COPB2: variants seen among roughly 807,000 people sequenced by gnomAD.
COPB2 encodes the protein coat protein complex I subunit beta 2.
COPB2 carries 16 observed loss-of-function variants against 120.8 expected under a neutral mutation model. That is an observed-to-expected ratio of 0.13 (90% CI 0.09 to 0.20). The LOEUF (loss-of-function observed/expected upper bound fraction) is 0.20, where lower values mean the gene tolerates loss of function less well. Among genes scored for constraint, COPB2 ranks in the 10% least tolerant of loss-of-function variants. The pLI is 1.00. For missense variants in COPB2, 794 were observed against 1,076.5 expected (o/e 0.74, Z 3.67); for synonymous variants, 332 against 366.3 (o/e 0.91, Z 1.07).
At chr3:139,369,586 T>G (rs751167120) in intron 10 of COPB2, 42 bp from the exon 11 acceptor site, 1 of 1,153,820 alleles carries the variant, frequency 8.7e-7, no homozygotes, top group East Asian at 2.4e-5. Flanking sequence ...TGTTATATAC[T>G]AAATCATAGT....
intron 6 of COPB2, among the ~76,000 whole-genome samples, chr3:139,375,191 A>G (rs760244818): frequency 1.3e-5 from 2 of 152,252 alleles, no homozygotes; most frequent in African/African-American, 2.4e-5. Context: ...AAGTCTATCA[A>G]TGAAGATTAT....
At position 139,366,637 on chromosome 3, in the gene COPB2, C is replaced by T; in HGVS notation, c.1815G>A (p.Met605Ile). The T allele has an allele frequency of 6.2e-7, 1 of 1,614,070 alleles. No homozygotes were observed. ...GAATGGTAGGAAGGACCTTATCAGC[C>T]ATGCTAAAGTCCCTCCGCATGACAG... ...QTAVMRRDFS[M>I]ADKVLPTIPK... Residue 605 changes from methionine (M) to isoleucine (I), a missense_variant, in exon 15 of 22, where the codon ATG (methionine) becomes ATA (isoleucine). Physicochemically the swap from Met to Ile is conservative, Grantham distance 10. Transcript: ENST00000333188.
rs1488022814 is a variant in COPB2, at chr3:139,359,283, T to G, written c.2290A>C (p.Ser764Arg). 2.5e-6 allele frequency: 4 copies of G among 1,614,052 alleles called. No homozygotes were observed. Among genetic ancestry groups the G allele is most frequent in the African/African-American group, 2.7e-5 (2 of 74,918 alleles). ...AAAAGTCTGTACCTTGAAACCTGAC[T>G]GGGTAAGTAAGTTCGGGCCAAGAAG... ...AAFLARTYLP[S>R]QVSRVVKLWR... Residue 764 changes from serine (S) to arginine (R), a missense_variant, in exon 18 of 22, where the codon AGT (serine) becomes CGT (arginine). Ser to Arg is a moderately radical substitution (Grantham distance 110). Coordinates refer to ENST00000333188, the MANE Select transcript of COPB2 (RefSeq NM_004766.3).
intron 10 of COPB2, among the ~76,000 whole-genome samples, chr3:139,370,916 A>T (rs1458304568): frequency 6.6e-6 from 1 of 152,234 alleles, no homozygotes; most frequent in Non-Finnish European, 1.5e-5. Context: ...GAACAATTCC[A>T]TACCTCTCAA....
intron 15 of COPB2, among the ~76,000 whole-genome samples, chr3:139,363,661 C>T (rs1468133583): frequency 1.3e-5 from 2 of 152,116 alleles, no homozygotes; most frequent in African/African-American, 4.8e-5. Flanking sequence ...GATAGTTTAC[C>T]TCTTCACCAG....
intron 1 of COPB2, among the ~76,000 whole-genome samples, chr3:139,388,557 C>A (rs936110797): frequency 6.6e-6 from 1 of 151,054 alleles, no homozygotes; most frequent in Non-Finnish European, 1.5e-5. Flanking sequence ...AATTTTTTAA[C>A]TTAAGATGAG....
At chr3:139,372,761 G>A (rs1382307077) in intron 9 of COPB2, among the ~76,000 whole-genome samples, 1 of 152,226 alleles carries the variant, frequency 6.6e-6, no homozygotes, top group Non-Finnish European at 1.5e-5. Flanking sequence ...CTGACAGTTC[G>A]AATTACAAAT....
At chr3:139,374,342 C>CT (rs1333905047) in intron 7 of COPB2, 147 bp downstream of exon 7, 1 of 613,772 alleles carries the variant, frequency 1.6e-6, no homozygotes, top group Non-Finnish European at 2.9e-6. Flanking sequence ...AATAATGCCC[C>CT]TTTACTCTTT....
chr3:139,366,898 G>T, intron 14 of COPB2, 117 bp downstream of exon 14: 1 of 1,475,518 alleles, frequency 6.8e-7, no homozygotes. Context: ...GTTAACAATA[G>T]GCAACCTACT....
In COPB2 at chr3:139,357,765, A is replaced by G. The variant is rs1257476313; in HGVS notation, c.*98T>C. 3.6e-6 allele frequency: 2 copies of G among 559,684 alleles called. No homozygotes were observed. The highest frequency in any genetic ancestry group is 3.9e-5 in the African/African-American group (2 of 51,270). 34.7% of individuals were successfully genotyped at this position (559,684 alleles called of 1,614,324 possible). ...CACAGCATTTACATATAAAAATCTA[A>G]GAAGTTTCTCATAGTCCAAAGCACT... On this transcript the variant is annotated 3_prime_UTR_variant, in exon 22 of 22. Coordinates refer to ENST00000333188, the MANE Select transcript of COPB2 (RefSeq NM_004766.3).
intron 13 of COPB2, 61 bp downstream of exon 13, chr3:139,368,084 T>C: frequency 6.5e-7 from 1 of 1,547,728 alleles, no homozygotes; most frequent in East Asian, 2.3e-5. Context: ...TAAAGTCTGT[T>C]GTAAGAATAT....
intron 4 of COPB2, 79 bp downstream of exon 4, chr3:139,378,968 G>A: frequency 7.1e-7 from 1 of 1,413,266 alleles, no homozygotes; most frequent in Non-Finnish European, 9.5e-7. Flanking sequence ...TGTAACAGCA[G>A]TTAAAGCATA....
chr3:139,362,447 C>G lies in COPB2; in HGVS notation c.1955G>C (p.Gly652Ala). The G allele has an allele frequency of 1.2e-6, 2 of 1,612,238 alleles. No homozygotes were observed. Among genetic ancestry groups the G allele is most frequent in the African/African-American group, 1.3e-5 (1 of 74,988 alleles). ...TAACTGGTATGCAATTTTTAACTCTCCAAGCTGAAGAGCAAGCTCAAAACG... is the reference window on the plus strand; with the variant it reads ...TAACTGGTATGCAATTTTTAACTCTGCAAGCTGAAGAGCAAGCTCAAAACG... ...EHRFELALQL[G>A]ELKIAYQLAV... Residue 652 changes from glycine to alanine, a missense_variant, in exon 16 of 22, where the codon GGA (glycine) becomes GCA (alanine). By Grantham distance (60) the Gly-to-Ala change is moderately conservative. Coordinates refer to ENST00000333188, the MANE Select transcript of COPB2 (RefSeq NM_004766.3).
At chr3:139,359,386 C>A in intron 17 of COPB2, 24 bp from the exon 18 acceptor site, 1 of 1,602,662 alleles carries the variant, frequency 6.2e-7, no homozygotes, top group Non-Finnish European at 8.5e-7. Flanking sequence ...AGGAGAGGTA[C>A]TGTTACCAAG....
At chr3:139,388,713 C>T (rs1941985542) in intron 1 of COPB2, among the ~76,000 whole-genome samples, 1 of 150,410 alleles carries the variant, frequency 6.6e-6, no homozygotes, top group Admixed American at 6.6e-5. Context: ...GCAGCCTCTG[C>T]CTCCCGGGTT....
Position 139,362,523 on chromosome 3 carries a change from C to A in COPB2, c.1885-6G>T. On this transcript the variant is annotated splice_polypyrimidine_tract_variant and splice_region_variant and intron_variant, in intron 15 of 21. Coordinates refer to ENST00000333188, the MANE Select transcript of COPB2 (RefSeq NM_004766.3). ...AGAGCTTGCTGCTTGAAGCCCTAAA[C>A]AGATTTTTAAAAATTATATATATTT... 1 of 1,583,830 alleles carries A rather than the reference C, an allele frequency of 6.3e-7. No homozygotes were observed. Among genetic ancestry groups the A allele is most frequent in the Non-Finnish European group, 8.6e-7 (1 of 1,168,038 alleles).
chr3:139,384,644 A>G (rs902054221), intron 1 of COPB2, among the ~76,000 whole-genome samples: 11 of 152,346 alleles, frequency 7.2e-5, no homozygotes, highest in Admixed American at 1.3e-4. Flanking sequence ...TGCTTTATGC[A>G]TACTCCCCAT....
chr3:139,383,450 TA>T lies in COPB2; in HGVS notation c.4-16del. 6.6e-7 allele frequency: 1 copy of T among 1,525,666 alleles called. No individual in the cohort carries two copies. Among genetic ancestry groups the T allele is most frequent in the Non-Finnish European group, 8.8e-7 (1 of 1,138,990 alleles). 94.5% of individuals were successfully genotyped at this position (1,525,666 alleles called of 1,614,324 possible). ...AGTCGCAGAGGCTAAAAAGAAACAT[TA>T]AAAAAATTAAATTGCTAAGCCAAAT... On this transcript the variant is annotated splice_polypyrimidine_tract_variant and intron_variant, in intron 1 of 21. Transcript: ENST00000333188.
chr3:139,359,808 CTG>C (rs1941376450), intron 17 of COPB2, among the ~76,000 whole-genome samples: 1 of 151,846 alleles, frequency 6.6e-6, no homozygotes, highest in East Asian at 1.9e-4. Flanking sequence ...CATTTTTTTT[CTG>C]TGCAAGTTTT....
Sources: allele counts gnomAD v4.1 joint callset (sites outside exome capture counted in the v4.1 genomes callset), GRCh38; gene constraint gnomAD v4.1.1; transcripts MANE v1.5; gene names NCBI Gene and HGNC (gene_info 2026-07-23, HGNC 2026-07-21).